Variants in KCNH7 observed in about 807,000 individuals in gnomAD.
KCNH7 encodes potassium voltage-gated channel subfamily H member 7.
KCNH7 carries 49 observed loss-of-function variants against 120.8 expected under a neutral mutation model. That is an observed-to-expected ratio of 0.41 (90% CI 0.32 to 0.51). The LOEUF is 0.51. KCNH7 is among the 20% of genes least tolerant of loss of function. KCNH7 has a pLI of 0.38. For missense variants in KCNH7, 1,097 were observed against 1,446.6 expected, an observed-to-expected ratio of 0.76 and a Z score of 3.92; for synonymous variants, 547 against 516.1, an observed-to-expected ratio of 1.06 and a Z score of -0.81.
chr2:162,827,833 G>A (rs1286493692), intron 2 of KCNH7, among the ~76,000 whole-genome samples: 1 of 151,978 alleles, frequency 6.6e-6, no homozygotes, highest in African/African-American at 2.4e-5. Context: ...CTGTAAAATG[G>A]GATAACGTCT....
intron 2 of KCNH7, among the ~76,000 whole-genome samples, chr2:162,628,506 A>G (rs1323443076): frequency 1.3e-5 from 2 of 152,100 alleles, no homozygotes; most frequent in Non-Finnish European, 2.9e-5. Context: ...AACTTGTGTC[A>G]TCAGGGTTTG....
At chr2:162,433,109 A>G (rs1301495525) in intron 8 of KCNH7, among the ~76,000 whole-genome samples, 2 of 152,104 alleles carry the variant, frequency 1.3e-5, no homozygotes, top group African/African-American at 4.8e-5. Context: ...CCTACAAAAC[A>G]CTGCTGAAAG....
chr2:162,484,966 T>A (rs560934849), intron 6 of KCNH7, among the ~76,000 whole-genome samples: 3 of 152,274 alleles, frequency 2.0e-5, no homozygotes, highest in South Asian at 2.1e-4. Context: ...TAAATTTTTT[T>A]AAAATAATTT....
At chr2:162,822,575 A>G (rs968785702) in intron 2 of KCNH7, among the ~76,000 whole-genome samples, 3 of 152,224 alleles carry the variant, frequency 2.0e-5, no homozygotes, top group African/African-American at 7.2e-5. Flanking sequence ...CAGGTAAGGA[A>G]CTACTTTCAC....
chr2:162,763,984 GT>G (rs916407523), intron 2 of KCNH7, among the ~76,000 whole-genome samples: 24 of 151,736 alleles, frequency 1.6e-4, no homozygotes, highest in African/African-American at 4.8e-4. Flanking sequence ...GTTTGTGAGG[GT>G]TTTTTTTCCT....
At chr2:162,612,028 A>G (rs140077129) in intron 2 of KCNH7, among the ~76,000 whole-genome samples, 29 of 152,328 alleles carry the variant, frequency 1.9e-4, no homozygotes, top group African/African-American at 6.3e-4. Flanking sequence ...TTTCACTTCT[A>G]TTTTCAGCAT....
chr2:162,734,217 G>A (rs1324635329), intron 2 of KCNH7, among the ~76,000 whole-genome samples: 2 of 151,958 alleles, frequency 1.3e-5, no homozygotes, highest in Non-Finnish European at 2.9e-5. Flanking sequence ...GATATCACAT[G>A]ATAAAATTTA....
chr2:162,819,701 C>T (rs900625918), intron 2 of KCNH7, among the ~76,000 whole-genome samples: 4 of 151,990 alleles, frequency 2.6e-5, no homozygotes, highest in African/African-American at 9.7e-5. Flanking sequence ...AGTTTGGAGG[C>T]AGGACAATAT....
chr2:162,463,216 G>C (rs187116508), intron 6 of KCNH7, among the ~76,000 whole-genome samples: 106 of 151,740 alleles, frequency 7.0e-4, no homozygotes, highest in African/African-American at 2.5e-3. Flanking sequence ...AGAAGTGCAA[G>C]GAATAGAAAG....
intron 2 of KCNH7, among the ~76,000 whole-genome samples, chr2:162,642,308 T>TAA (rs1559059637): frequency 6.6e-6 from 1 of 152,194 alleles, no homozygotes; most frequent in Non-Finnish European, 1.5e-5. Context: ...TTTACATCAT[T>TAA]ATCTTGCCAT....
At chr2:162,403,337 T>A (rs528810593) in intron 9 of KCNH7, among the ~76,000 whole-genome samples, 1 of 152,128 alleles carries the variant, frequency 6.6e-6, no homozygotes, top group Non-Finnish European at 1.5e-5. Context: ...AGAATTCTTT[T>A]TCCTTGCATC....
rs555412768 is a variant in KCNH7 at position 162,590,820 on chromosome 2, C to A, written c.308-53740G>T. ...CTTCCTTTCTTTTAACCTATTTCCA[C>A]GCACATCTGTTAGAGTAATTTTTAA... On this transcript the variant is annotated intron_variant, in intron 2 of 15. Coordinates refer to ENST00000332142, the MANE Select transcript of KCNH7 (RefSeq NM_033272.4). 2.6e-5 allele frequency among the ~76,000 whole-genome samples: 4 copies of A among 152,198 alleles called. No homozygotes were observed. The East Asian group carries it at 5.8e-4, about 22-fold the overall frequency.
At chr2:162,602,060 G>T (rs1048164546) in intron 2 of KCNH7, among the ~76,000 whole-genome samples, 3 of 152,044 alleles carry the variant, frequency 2.0e-5, no homozygotes, top group African/African-American at 7.2e-5. Flanking sequence ...TGGAGTCAGA[G>T]TTGGAGAGGA....
intron 2 of KCNH7, among the ~76,000 whole-genome samples, chr2:162,675,823 C>G (rs916694847): frequency 1.3e-5 from 2 of 151,306 alleles, no homozygotes; most frequent in African/African-American, 4.8e-5. Flanking sequence ...CTATTTTATA[C>G]ATGTTAATTA....
At chr2:162,470,436 G>A (rs10930055) in intron 6 of KCNH7, among the ~76,000 whole-genome samples, 10,889 of 143,520 alleles carry the variant, frequency 0.076, 1,275 homozygotes, top group African/African-American at 0.25. Context: ...CCCGGCAGCC[G>A]CCCCGTCTGA....
intron 6 of KCNH7, among the ~76,000 whole-genome samples, chr2:162,454,243 C>T (rs1476369706): frequency 6.6e-6 from 1 of 152,036 alleles, no homozygotes; most frequent in Non-Finnish European, 1.5e-5. Context: ...TCAGGTTTGT[C>T]GAATATCAGG....
Position 162,504,402 on chromosome 2 carries a change from C to A in KCNH7, c.1128+41G>T, listed in dbSNP as rs1690792772. On this transcript the variant is annotated intron_variant, in intron 6 of 15. Transcript: ENST00000332142. ...ATATGTTTCATGGTGCAGAAACAAACCTCTAAAACAGTTGAAATTGATAAG... is the reference window on the plus strand; with the variant it reads ...ATATGTTTCATGGTGCAGAAACAAAACTCTAAAACAGTTGAAATTGATAAG... The A allele has an allele frequency of 2.1e-6, 3 of 1,439,834 alleles. No individual in the cohort carries two copies. In the South Asian group the frequency reaches 3.4e-5, roughly 16 times the overall value. 89.2% of individuals were successfully genotyped at this position (1,439,834 alleles called of 1,614,324 possible).
chr2:162,392,810 C>G (rs1199517069), intron 12 of KCNH7, among the ~76,000 whole-genome samples: 3 of 151,694 alleles, frequency 2.0e-5, no homozygotes, highest in African/African-American at 7.3e-5. Context: ...AAGTTAAGAC[C>G]CACCCTAATA....
intron 2 of KCNH7, among the ~76,000 whole-genome samples, chr2:162,804,919 T>C (rs1022513712): frequency 1.3e-5 from 2 of 151,926 alleles, no homozygotes; most frequent in Non-Finnish European, 1.5e-5. Context: ...TGGAACAGAA[T>C]AGAGAACCCA....
Sources: gnomAD v4.1 joint callset for allele counts (sites outside exome capture counted in the v4.1 genomes callset) on GRCh38, gnomAD v4.1.1 for gene constraint, MANE v1.5 for transcripts, NCBI Gene and HGNC (gene_info 2026-07-23, HGNC 2026-07-21) for gene names.